NXPE2: variants seen among roughly 807,000 people sequenced by gnomAD.
NXPE2 encodes the protein neurexophilin and PC-esterase domain family member 2, also known as NXPE family member 2.
Under a neutral mutation model 34.4 loss-of-function variants are expected in NXPE2, and 34 were observed. That is an observed-to-expected ratio of 0.99 (90% confidence interval 0.75 to 1.31). The LOEUF (loss-of-function observed/expected upper bound fraction) is 1.31. Ranked by LOEUF, NXPE2 falls within the 40% of genes most tolerant of loss-of-function variation. The pLI is 0.00. For missense variants in NXPE2, 649 were observed against 672.5 expected (o/e 0.97, Z 0.39); for synonymous variants, 235 against 231.3 (o/e 1.02, Z -0.15).
chr11:114,807,258 C>T, the NXPE2 span, among the ~76,000 whole-genome samples: 6 of 151,480 alleles, frequency 4.0e-5, no homozygotes, highest in Admixed American at 6.6e-5. Context: ...TAAAGACCAT[C>T]AAGGCTAGGA....
At chr11:114,779,003 G>A in the NXPE2 span, among the ~76,000 whole-genome samples, 1 of 152,180 alleles carries the variant, frequency 6.6e-6, no homozygotes, top group Non-Finnish European at 1.5e-5. Context: ...CCACGAGCAG[G>A]CCTGTCCACA....
the NXPE2 span, among the ~76,000 whole-genome samples, chr11:114,574,074 A>G: frequency 1.2e-3 from 181 of 152,250 alleles, no homozygotes; most frequent in African/African-American, 3.7e-3. Flanking sequence ...AAAACCATGC[A>G]AATACATGGA....
chr11:114,512,865 G>A, the NXPE2 span: 1 of 231,728 alleles, frequency 4.3e-6, no homozygotes. Flanking sequence ...GCAGGTACTG[G>A]CACAATTCAG....
rs75398096 is a variant in NXPE2, at chr11:114,704,032, T to A, written c.908T>A (p.Ile303Asn). ...GAAATGATGAAGAACTTTACCCCCA[T>A]TGAGGTCATACCATGCAACAGTAAG... Reference protein sequence around the residue: ...GVEMMKNFTPIEVIPCNKSEN... With the variant: ...GVEMMKNFTPNEVIPCNKSEN... Residue 303 changes from isoleucine to asparagine, a missense_variant, in exon 4 of 6, where the codon ATT becomes AAT. Transcript: ENST00000389586. 6.4e-7 allele frequency: 1 copy of A among 1,551,886 alleles called. No individual in the cohort carries two copies. Among genetic ancestry groups the A allele is most frequent in the Non-Finnish European group, 8.7e-7 (1 of 1,146,688 alleles).
At chr11:114,519,126 C>T in the NXPE2 span, among the ~76,000 whole-genome samples, 10 of 152,234 alleles carry the variant, frequency 6.6e-5, no homozygotes, top group East Asian at 1.9e-4. Context: ...CAGCCACACA[C>T]GTTTTATGAG....
At chr11:114,522,475 AG>A in the NXPE2 span, 9 of 1,603,274 alleles carry the variant, frequency 5.6e-6, no homozygotes, top group East Asian at 2.0e-4. Context: ...TAAAGATTCC[AG>A]TTTCATGAAG....
chr11:114,516,304 C>T, the NXPE2 span, among the ~76,000 whole-genome samples: 1 of 152,154 alleles, frequency 6.6e-6, no homozygotes, highest in African/African-American at 2.4e-5. Context: ...GGGTAGGACA[C>T]TCAAGAGCCT....
the NXPE2 span, among the ~76,000 whole-genome samples, chr11:114,490,219 A>G: frequency 6.6e-6 from 1 of 152,232 alleles, no homozygotes; most frequent in Admixed American, 6.5e-5. Flanking sequence ...ATACAATCAA[A>G]TGGAAGAACA....
At chr11:114,587,817 G>A in the NXPE2 span, among the ~76,000 whole-genome samples, 1 of 152,176 alleles carries the variant, frequency 6.6e-6, no homozygotes, top group African/African-American at 2.4e-5. Flanking sequence ...AGTGCTTTCT[G>A]AAGCACTGGG....
At chr11:114,513,411 G>C in the NXPE2 span, 1 of 327,250 alleles carries the variant, frequency 3.1e-6, no homozygotes, top group South Asian at 3.8e-5. Context: ...AGAATATTAG[G>C]AAGGTATCCC....
chr11:114,644,764 A>G, the NXPE2 span, among the ~76,000 whole-genome samples: 1 of 152,012 alleles, frequency 6.6e-6, no homozygotes, highest in Non-Finnish European at 1.5e-5. Flanking sequence ...AAGGGCCAAA[A>G]ATACATATCT....
chr11:114,601,056 A>G, the NXPE2 span, among the ~76,000 whole-genome samples: 1 of 151,962 alleles, frequency 6.6e-6, no homozygotes, highest in Non-Finnish European at 1.5e-5. Flanking sequence ...GTTTTAATCT[A>G]TCAATGTCAC....
chr11:114,489,662 T>G, the NXPE2 span, among the ~76,000 whole-genome samples: 1 of 152,222 alleles, frequency 6.6e-6, no homozygotes, highest in Non-Finnish European at 1.5e-5. Flanking sequence ...CAACAACGCT[T>G]CATGCTAGAA....
chr11:114,492,643 A>G, the NXPE2 span, among the ~76,000 whole-genome samples: 45 of 151,126 alleles, frequency 3.0e-4, no homozygotes, highest in Admixed American at 3.0e-3. Flanking sequence ...GGTTCACGCC[A>G]TTCTCCTGAC....
the NXPE2 span, among the ~76,000 whole-genome samples, chr11:114,469,635 AC>A: frequency 1.4e-3 from 207 of 145,922 alleles, no homozygotes; most frequent in African/African-American, 4.9e-3. Context: ...GATTACATGC[AC>A]CCCCCCCACC....
chr11:114,603,420 A>T, the NXPE2 span, among the ~76,000 whole-genome samples: 3 of 151,124 alleles, frequency 2.0e-5, no homozygotes, highest in Non-Finnish European at 4.4e-5. Context: ...GTGGATGATA[A>T]GTATTGCCTC....
chr11:114,718,749 T>C, the NXPE2 span, among the ~76,000 whole-genome samples: 1 of 152,162 alleles, frequency 6.6e-6, no homozygotes, highest in Admixed American at 6.5e-5. Context: ...TGAATTATAC[T>C]TGATGTGTGT....
the NXPE2 span, among the ~76,000 whole-genome samples, chr11:114,720,310 C>T: frequency 0.035 from 5,302 of 152,282 alleles, 315 homozygotes; most frequent in African/African-American, 0.12. Flanking sequence ...AGGGGAAGAC[C>T]GACTACAGGG....
Position 114,678,610 on chromosome 11 carries a change from C to A in NXPE2, c.26+9C>A. ...AAAATACTCATCCATAGGTGTGGTACTTTCCAACTCTTACTGCCAAGCTAA... is the reference window on the plus strand; with the variant it reads ...AAAATACTCATCCATAGGTGTGGTAATTTCCAACTCTTACTGCCAAGCTAA... On this transcript the variant is annotated intron_variant, in intron 1 of 5. Coordinates refer to ENST00000389586, the MANE Select transcript of NXPE2 (RefSeq NM_182495.6). 1 of 1,546,022 alleles carries A rather than the reference C, an allele frequency of 6.5e-7. No homozygotes were observed. Among genetic ancestry groups the A allele is most frequent in the African/African-American group, 1.4e-5 (1 of 72,968 alleles).
Sources: allele counts gnomAD v4.1 joint callset (sites outside exome capture counted in the v4.1 genomes callset), GRCh38; gene constraint gnomAD v4.1.1; transcripts MANE v1.5; gene names NCBI Gene and HGNC (gene_info 2026-07-23, HGNC 2026-07-21).